RARB: variants seen among roughly 807,000 people sequenced by gnomAD.
RARB encodes the protein retinoic acid receptor beta.
RARB carries 17 observed loss-of-function variants against 51.9 expected under a neutral mutation model. The observed-to-expected ratio is 0.33, with a 90% CI of 0.22 to 0.49. RARB has a LOEUF of 0.49. Among genes scored for constraint, RARB ranks in the 20% least tolerant of loss-of-function variants. The probability of loss-of-function intolerance (pLI) is 0.99; values close to 1 mark genes in which losing one functional copy is unlikely to be tolerated. For missense variants in RARB, 369 were observed against 550.8 expected (o/e 0.67, Z 3.30); for synonymous variants, 215 against 195.4 (o/e 1.10, Z -0.84).
At chr3:25,103,724 C>T (rs912107014) in intron 3 of RARB, among the ~76,000 whole-genome samples, 13 of 152,198 alleles carry the variant, frequency 8.5e-5, no homozygotes, top group African/African-American at 2.9e-4. Flanking sequence ...TTGAATGTTG[C>T]TACTATAAAG....
At position 25,593,178 on chromosome 3, in the gene RARB, T is replaced by TTTTTA. The variant is rs1553637351; in HGVS notation, c.787-325_787-324insTTTTA. Among the ~76,000 whole-genome samples, 88 of 152,064 alleles carry TTTTTA rather than the reference T, an allele frequency of 5.8e-4. 1 individual carries two copies. Among genetic ancestry groups the TTTTTA allele is most frequent in the African/African-American group, 2.0e-3 (82 of 41,472 alleles). ...AATCTTATTCATCTTTTTTTTTTTT[T>TTTTTA]ATCTCCAGCACCTGGCACAGTGCCT... On this transcript the variant is annotated intron_variant, in intron 5 of 7. Transcript: ENST00000330688.
intron 5 of RARB, among the ~76,000 whole-genome samples, chr3:25,586,195 G>A (rs1575543927): frequency 6.6e-6 from 1 of 152,106 alleles, no homozygotes; most frequent in East Asian, 1.9e-4. Context: ...TTCTCCTCAT[G>A]TTCTTCCTGG....
At chr3:24,920,160 C>A (rs891924831) in intron 2 of RARB, among the ~76,000 whole-genome samples, 1 of 152,160 alleles carries the variant, frequency 6.6e-6, no homozygotes, top group African/African-American at 2.4e-5. Context: ...AGAGGTCCTG[C>A]TGGGACTACT....
intron 2 of RARB, among the ~76,000 whole-genome samples, chr3:25,497,742 C>T (rs1697114234): frequency 6.6e-6 from 1 of 152,156 alleles, no homozygotes; most frequent in Non-Finnish European, 1.5e-5. Context: ...CAGGTTGCTC[C>T]TCCAAATGGG....
chr3:25,041,306 A>G (rs907019904), intron 2 of RARB, among the ~76,000 whole-genome samples: 6 of 152,158 alleles, frequency 3.9e-5, no homozygotes, highest in Non-Finnish European at 8.8e-5. Flanking sequence ...GAATTTTTCT[A>G]CTGATACATA....
intron 3 of RARB, among the ~76,000 whole-genome samples, chr3:25,546,135 G>A (rs892608368): frequency 1.3e-5 from 2 of 152,026 alleles, no homozygotes; most frequent in African/African-American, 4.8e-5. Context: ...AGGGACCATC[G>A]AGAAGGCCAT....
chr3:25,186,774 C>A (rs557972069), intron 5 of RARB, among the ~76,000 whole-genome samples: 1 of 152,010 alleles, frequency 6.6e-6, no homozygotes, highest in South Asian at 2.1e-4. Flanking sequence ...ATGACTGAGA[C>A]ACCTATAACA....
chr3:25,455,917 T>C (rs755203039), intron 1 of RARB, among the ~76,000 whole-genome samples: 6 of 152,232 alleles, frequency 3.9e-5, no homozygotes, highest in Non-Finnish European at 8.8e-5. Context: ...GAATTATTCC[T>C]CTAAGACTGC....
chr3:25,548,642 CAAAA>C (rs35411774), intron 3 of RARB, among the ~76,000 whole-genome samples: 1 of 73,592 alleles, frequency 1.4e-5, no homozygotes, highest in Non-Finnish European at 2.5e-5. Context: ...CCTCCCCCGA[CAAAA>C]AAAAAAAAAA....
chr3:25,321,121 C>T (rs1375561053), intron 5 of RARB, among the ~76,000 whole-genome samples: 1 of 152,242 alleles, frequency 6.6e-6, no homozygotes, highest in South Asian at 2.1e-4. Context: ...GTACAAGGCA[C>T]AATAAGTTTA....
At chr3:25,535,436 G>C (rs1699101815) in intron 3 of RARB, among the ~76,000 whole-genome samples, 1 of 142,668 alleles carries the variant, frequency 7.0e-6, no homozygotes, top group Admixed American at 7.2e-5. Flanking sequence ...TATGCTTTAG[G>C]TTCTGGAATA....
Position 25,070,202 on chromosome 3 carries a change from T to C in RARB, c.-328+10026T>C, listed in dbSNP as rs76185408. ...TGTCTCTGTCTTTGCATGGCTCTTA[T>C]TATAAGACATCAGTCATATTAGATT... On this transcript the variant is annotated intron_variant, in intron 3 of 11. Coordinates refer to the RARB transcript ENST00000383772. Among the ~76,000 whole-genome samples, 633 of 152,320 alleles carry C rather than the reference T, an allele frequency of 4.2e-3. 15 individuals are homozygous for C. In the East Asian group the frequency reaches 0.063, roughly 15 times the overall value.
chr3:25,486,872 G>A (rs1286661), intron 2 of RARB, among the ~76,000 whole-genome samples: 124,746 of 152,064 alleles, frequency 0.82, 52,642 homozygotes, highest in South Asian at 0.98. Flanking sequence ...TCAGGTTCCA[G>A]TCACAGATTA....
chr3:24,972,084 A>G (rs2125418420), intron 2 of RARB, among the ~76,000 whole-genome samples: 1 of 152,052 alleles, frequency 6.6e-6, no homozygotes, highest in Non-Finnish European at 1.5e-5. Context: ...ATTGAACACC[A>G]GGTGTCCTTT....
intron 3 of RARB, among the ~76,000 whole-genome samples, chr3:25,513,007 C>T (rs961570881): frequency 3.3e-5 from 5 of 151,084 alleles, no homozygotes; most frequent in East Asian, 1.9e-4. Flanking sequence ...GCAAAGGGTA[C>T]GGCTGGGTGC....
intron 7 of RARB, among the ~76,000 whole-genome samples, chr3:25,596,107 C>T (rs1324397815): frequency 6.6e-6 from 1 of 152,284 alleles, no homozygotes; most frequent in African/African-American, 2.4e-5. Context: ...CATAAAAAGA[C>T]CCTCTCTATC....
At chr3:25,473,429 C>T (rs960830859) in intron 2 of RARB, among the ~76,000 whole-genome samples, 2 of 152,134 alleles carry the variant, frequency 1.3e-5, no homozygotes, top group African/African-American at 4.8e-5. Flanking sequence ...AGCCTTGTTT[C>T]TTGTTCCATA....
intron 2 of RARB, among the ~76,000 whole-genome samples, chr3:25,009,245 G>A (rs766651673): frequency 2.0e-5 from 3 of 152,114 alleles, no homozygotes; most frequent in Non-Finnish European, 4.4e-5. Context: ...TGAGTGTGAA[G>A]GGTAGAATGG....
intron 3 of RARB, among the ~76,000 whole-genome samples, chr3:25,068,928 A>G (rs1344673455): frequency 1.3e-5 from 2 of 151,986 alleles, no homozygotes; most frequent in Non-Finnish European, 2.9e-5. Flanking sequence ...ACTTTATGAA[A>G]AAGGCTAGAG....
Sources: gnomAD v4.1 joint callset for allele counts (sites outside exome capture counted in the v4.1 genomes callset) on GRCh38, gnomAD v4.1.1 for gene constraint, MANE v1.5 for transcripts, NCBI Gene and HGNC (gene_info 2026-07-23, HGNC 2026-07-21) for gene names.